The following MAP2 variants were observed in gnomAD, a reference collection of about 807,000 sequenced individuals.
MAP2 encodes microtubule associated protein 2, also known as microtubule-associated protein 2.
MAP2 carries 14 observed loss-of-function variants against 137.6 expected under a neutral mutation model. That is an observed-to-expected ratio of 0.10 (90% CI 0.07 to 0.16). The LOEUF is 0.16. MAP2 is among the 10% of genes least tolerant of loss of function. MAP2 has a pLI of 1.00. For missense variants in MAP2, 2,088 were observed against 2,191.5 expected (o/e 0.95, Z 0.94); for synonymous variants, 786 against 782.3 (o/e 1.00, Z -0.08).
chr2:209,666,473 G>A (rs971109570), intron 5 of MAP2, among the ~76,000 whole-genome samples: 3 of 152,014 alleles, frequency 2.0e-5, no homozygotes, highest in Non-Finnish European at 2.9e-5. Context: ...AGAGGATAAC[G>A]AGAAAGGAAG....
In MAP2 at chr2:209,564,721, T is replaced by C. The variant is rs181352989; in HGVS notation, c.-171-15315T>C. ...TGTTTTGAACCACAGATGCAAAGAA[T>C]TAACCTTCTCATAATCCTCACTTCT... On this transcript the variant is annotated intron_variant, in intron 2 of 15. Coordinates refer to ENST00000682079, the MANE Select transcript of MAP2 (RefSeq NM_001375505.1). Among the ~76,000 whole-genome samples, 708 of 152,244 alleles carry C rather than the reference T, an allele frequency of 4.7e-3. 3 individuals are homozygous for C. The highest frequency in any genetic ancestry group is 8.0e-3 in the Non-Finnish European group (546 of 67,998).
intron 1 of MAP2, among the ~76,000 whole-genome samples, chr2:209,494,272 G>A (rs1427704181): frequency 6.6e-6 from 1 of 151,856 alleles, no homozygotes; most frequent in Non-Finnish European, 1.5e-5. Flanking sequence ...CACACACCGG[G>A]GCCTGTTGGG....
intron 3 of MAP2, among the ~76,000 whole-genome samples, chr2:209,583,350 T>C (rs1467217231): frequency 6.6e-6 from 1 of 152,142 alleles, no homozygotes; most frequent in Non-Finnish European, 1.5e-5. Context: ...AAAATAAATG[T>C]ATTCATAAAG....
chr2:209,483,770 T>A (rs1159703003), intron 1 of MAP2, among the ~76,000 whole-genome samples: 1 of 152,100 alleles, frequency 6.6e-6, no homozygotes, highest in African/African-American at 2.4e-5. Flanking sequence ...TTTGGAAAAA[T>A]TTTCAAGTCA....
At position 209,697,061 on chromosome 2, in the gene MAP2, C is replaced by G; in HGVS notation, c.4522+10C>G. 6.4e-7 allele frequency: 1 copy of G among 1,574,186 alleles called. No individual in the cohort carries two copies. The highest frequency in any genetic ancestry group is 1.7e-4 in the Middle Eastern group (1 of 5,852). On this transcript the variant is annotated intron_variant, in intron 10 of 15. Transcript: ENST00000682079. ...AAGCGGAAAACCACAGGTGACTGTT[C>G]AATTCTGCAATGTGACTGGCAAACA...
intron 1 of MAP2, among the ~76,000 whole-genome samples, chr2:209,482,740 T>G (rs1323905170): frequency 6.6e-6 from 1 of 152,204 alleles, no homozygotes; most frequent in East Asian, 1.9e-4. Flanking sequence ...GTCTTAGGAT[T>G]CAAACACATG....
chr2:209,438,473 G>A (rs901437632), intron 1 of MAP2, among the ~76,000 whole-genome samples: 1 of 151,610 alleles, frequency 6.6e-6, no homozygotes, highest in Non-Finnish European at 1.5e-5. Context: ...AGTTTATTGT[G>A]TAAATAACTC....
intron 1 of MAP2, among the ~76,000 whole-genome samples, chr2:209,475,236 C>T (rs1252886975): frequency 6.6e-6 from 1 of 152,014 alleles, no homozygotes; most frequent in African/African-American, 2.4e-5. Flanking sequence ...AATGTAAAAC[C>T]ATCTTCTGAT....
In MAP2 at chr2:209,695,952, G is replaced by T. The variant is rs904913077; in HGVS notation, c.3782G>T (p.Gly1261Val). ...GACACCCTTCAGATAACTGACCTGG[G>T]TGTCTCAGGTGCCAGGGAGGAATTT... The part of the protein sequence containing the change: ...RSDTLQITDL[G>V]VSGAREEFVE... The change falls in exon 8 of 16, where the codon GGT becomes GTT. Residue 1261 changes from glycine (G) to valine (V), a missense_variant. Around this residue, in one of 6 missense-constraint regions of MAP2, gnomAD observed 591 missense variants for 642.6 expected, o/e 0.92. Coordinates refer to ENST00000682079, the MANE Select transcript of MAP2 (RefSeq NM_001375505.1). 1 of 1,613,978 alleles carries T rather than the reference G, an allele frequency of 6.2e-7. No individual in the cohort carries two copies. The highest frequency in any genetic ancestry group is 8.5e-7 in the Non-Finnish European group (1 of 1,180,010).
intron 1 of MAP2, among the ~76,000 whole-genome samples, chr2:209,487,909 G>T (rs1226961098): frequency 6.6e-6 from 1 of 152,194 alleles, no homozygotes; most frequent in Non-Finnish European, 1.5e-5. Context: ...AAGGAACTTG[G>T]TTGGGAATAT....
chr2:209,511,311 A>G (rs2150257495), intron 2 of MAP2, among the ~76,000 whole-genome samples: 1 of 152,172 alleles, frequency 6.6e-6, no homozygotes, highest in Non-Finnish European at 1.5e-5. Context: ...GTCAGTACTT[A>G]GCATATATAT....
chr2:209,713,357 T>C (rs1377674210), intron 13 of MAP2, among the ~76,000 whole-genome samples: 1 of 152,160 alleles, frequency 6.6e-6, no homozygotes, highest in Admixed American at 6.5e-5. Flanking sequence ...ATCTCTTCTG[T>C]TAAGGTCCAA....
Position 209,693,428 on chromosome 2 carries a change from G to C in MAP2, c.1258G>C (p.Val420Leu), listed in dbSNP as rs1473868663. Reference protein sequence around the residue: ...EEKEAINQETVQQRDTFTPSG... With the variant: ...EEKEAINQETLQQRDTFTPSG... ...AAAGGAGGCCATAAATCAAGAGACT[G>C]TGCAGCAAAGGGATACTTTCACCCC... Residue 420 changes from valine to leucine, a missense_variant, in exon 8 of 16, where the codon GTG becomes CTG. Physicochemically the swap from Val to Leu is conservative, Grantham distance 32. This residue lies in a region of MAP2 where 859 missense variants were observed against 794.5 expected (regional missense o/e 1.08). Coordinates refer to ENST00000682079, the MANE Select transcript of MAP2 (RefSeq NM_001375505.1). The C allele has an allele frequency of 6.2e-7, 1 of 1,613,810 alleles. No individual in the cohort carries two copies. Among genetic ancestry groups the C allele is most frequent in the African/African-American group, 1.3e-5 (1 of 74,872 alleles).
intron 2 of MAP2, among the ~76,000 whole-genome samples, chr2:209,561,748 C>A (rs1454831596): frequency 6.6e-6 from 1 of 152,110 alleles, no homozygotes; most frequent in Non-Finnish European, 1.5e-5. Flanking sequence ...AGTCTTCAAA[C>A]TATGTTGTCT....
rs543259842 is a variant in MAP2 at position 209,639,745 on chromosome 2, T to C, written c.-29-13397T>C. On this transcript the variant is annotated intron_variant, in intron 4 of 15. Coordinates refer to ENST00000682079, the MANE Select transcript of MAP2 (RefSeq NM_001375505.1). Reference sequence around the variant, plus strand: ...ACTTCTGTTCCATAGTGAACAATTTTGTGCCTTACATGAGGTTTTTTTTTT... The same window carrying C: ...ACTTCTGTTCCATAGTGAACAATTTCGTGCCTTACATGAGGTTTTTTTTTT... Among the ~76,000 whole-genome samples the C allele has an allele frequency of 2.6e-5, 4 of 152,198 alleles. No homozygotes were observed. The South Asian group carries it at 8.3e-4, about 32-fold the overall frequency.
At chr2:209,589,123 G>A (rs760515664) in intron 3 of MAP2, among the ~76,000 whole-genome samples, 2 of 151,974 alleles carry the variant, frequency 1.3e-5, no homozygotes, top group Non-Finnish European at 2.9e-5. Flanking sequence ...AAAGTTGTTA[G>A]AATAATGCAA....
chr2:209,623,916 G>A (rs1481575462), intron 3 of MAP2, among the ~76,000 whole-genome samples: 4 of 152,154 alleles, frequency 2.6e-5, no homozygotes, highest in Non-Finnish European at 5.9e-5. Flanking sequence ...ACTTTAATAT[G>A]TACTAATAGG....
At chr2:209,478,791 A>G (rs1205978926) in intron 1 of MAP2, among the ~76,000 whole-genome samples, 1 of 152,192 alleles carries the variant, frequency 6.6e-6, no homozygotes, top group Admixed American at 6.5e-5. Context: ...ATCTAAATAG[A>G]AATGTTTTAA....
At chr2:209,637,890 CT>C in intron 4 of MAP2, among the ~76,000 whole-genome samples, 1 of 151,968 alleles carries the variant, frequency 6.6e-6, no homozygotes, top group South Asian at 2.1e-4. Flanking sequence ...TTTAAATTCA[CT>C]CTTGGCTAGG....
Sources: allele counts gnomAD v4.1 joint callset (sites outside exome capture counted in the v4.1 genomes callset), GRCh38; gene constraint gnomAD v4.1.1; regional missense constraint gnomAD v4.1.1; transcripts MANE v1.5; gene names NCBI Gene and HGNC (gene_info 2026-07-23, HGNC 2026-07-21).